CLYBL: variants seen among roughly 807,000 people sequenced by gnomAD.
CLYBL encodes the protein citramalyl-CoA lyase, mitochondrial.
In CLYBL, 31 loss-of-function variants were observed where a neutral mutation model predicts 38.9. The observed-to-expected ratio is 0.80, with a 90% CI of 0.60 to 1.08. The LOEUF is 1.08. Among genes scored for constraint, CLYBL ranks in the 50% least tolerant of loss-of-function variants. The pLI is 0.00. For synonymous variants in CLYBL, 171 were observed against 158.6 expected (o/e 1.08, Z -0.59); for missense variants, 434 against 411.6 (o/e 1.05, Z -0.47).
At chr13:99,861,467 A>T (rs1268855640) in intron 3 of CLYBL, among the ~76,000 whole-genome samples, 1 of 152,190 alleles carries the variant, frequency 6.6e-6, no homozygotes, top group Non-Finnish European at 1.5e-5. Context: ...CTACATTTTT[A>T]ACACCAAAAC....
intron 1 of CLYBL, among the ~76,000 whole-genome samples, chr13:99,746,360 T>A (rs950136854): frequency 1.8e-4 from 26 of 146,816 alleles, no homozygotes; most frequent in Middle Eastern, 3.6e-3. Context: ...ATACTATTTT[T>A]TTTTTTTTTT....
chr13:99,717,255 G>A lies in CLYBL; in HGVS notation c.63-55569G>A, dbSNP rs111406329. ...AGCCTGGACAACATGGTGAAACCCC[G>A]TCTCTACTAAAAATTCAAAAATTAG... On this transcript the variant is annotated intron_variant, in intron 1 of 8. Coordinates refer to ENST00000339105, the MANE Select transcript of CLYBL (RefSeq NM_206808.5). Among the ~76,000 whole-genome samples the A allele has an allele frequency of 6.0e-3, 904 of 150,962 alleles. 6 individuals are homozygous for A. The highest frequency in any genetic ancestry group is 0.021 in the African/African-American group (857 of 41,316).
chr13:99,857,667 T>C (rs1224912569), intron 2 of CLYBL, among the ~76,000 whole-genome samples: 2 of 152,204 alleles, frequency 1.3e-5, no homozygotes, highest in African/African-American at 4.8e-5. Context: ...TAGACCCACA[T>C]CTGTCTGGTT....
intron 7 of CLYBL, among the ~76,000 whole-genome samples, chr13:99,872,944 T>G: frequency 1.6e-5 from 1 of 62,286 alleles, no homozygotes; most frequent in South Asian, 4.0e-4. Flanking sequence ...AATTCTGGAC[T>G]TTTTTTTTTT....
At chr13:99,861,364 A>G (rs1027350529) in intron 3 of CLYBL, among the ~76,000 whole-genome samples, 1 of 152,162 alleles carries the variant, frequency 6.6e-6, no homozygotes, top group African/African-American at 2.4e-5. Context: ...CTTGGTTTTA[A>G]AGTCCATGAT....
At chr13:99,671,615 A>G (rs2047565590) in intron 1 of CLYBL, among the ~76,000 whole-genome samples, 1 of 151,974 alleles carries the variant, frequency 6.6e-6, no homozygotes, top group Non-Finnish European at 1.5e-5. Context: ...CCTCACCTCT[A>G]CTAAAAATAC....
intron 2 of CLYBL, among the ~76,000 whole-genome samples, chr13:99,856,477 T>C (rs1344919380): frequency 6.6e-6 from 1 of 152,224 alleles, no homozygotes; most frequent in Non-Finnish European, 1.5e-5. Context: ...CTGACTTAGC[T>C]ATTAAAAGGG....
chr13:99,870,631 A>G (rs1257178973), intron 6 of CLYBL, among the ~76,000 whole-genome samples: 2 of 152,200 alleles, frequency 1.3e-5, no homozygotes, highest in African/African-American at 4.8e-5. Flanking sequence ...CAAAGCAGTT[A>G]TTCAACAAGC....
At chr13:99,693,252 C>A (rs1180895901) in intron 1 of CLYBL, among the ~76,000 whole-genome samples, 1 of 152,094 alleles carries the variant, frequency 6.6e-6, no homozygotes, top group Non-Finnish European at 1.5e-5. Context: ...CAGGGATTAT[C>A]CTTCTTCATC....
At chr13:99,748,187 G>A (rs575823622) in intron 1 of CLYBL, among the ~76,000 whole-genome samples, 16 of 151,992 alleles carry the variant, frequency 1.1e-4, no homozygotes, top group East Asian at 3.9e-4. Flanking sequence ...CGAGACCAGC[G>A]TGGCCAACAT....
chr13:99,841,581 G>A (rs1246110812), intron 2 of CLYBL, among the ~76,000 whole-genome samples: 1 of 151,858 alleles, frequency 6.6e-6, no homozygotes, highest in Admixed American at 6.6e-5. Flanking sequence ...TATATTTTTA[G>A]TAGAGATGGG....
chr13:99,895,784 C>T (rs1202744550), downstream of CLYBL: 10 of 152,256 alleles, frequency 6.6e-5, no homozygotes, highest in African/African-American at 1.4e-4. Context: ...CGTTAGCGCC[C>T]GGGCGGCGGC....
rs775351826 is a variant in CLYBL at position 99,772,798 on chromosome 13, A to T, written c.63-26A>T. 3.2e-6 allele frequency: 5 copies of T among 1,554,858 alleles called. No homozygotes were observed. The South Asian group carries it at 6.0e-5, about 19-fold the overall frequency. The stretch of plus-strand genomic sequence containing the variant: ...TATAAATACAGAAATCTCATTCTGG[A>T]CTAACCCCAATCACGTGTCTTGCAG... On this transcript the variant is annotated intron_variant, in intron 1 of 8. Coordinates refer to ENST00000339105, the MANE Select transcript of CLYBL (RefSeq NM_206808.5).
At chr13:99,638,308 T>C (rs890768775) in intron 1 of CLYBL, among the ~76,000 whole-genome samples, 1 of 152,196 alleles carries the variant, frequency 6.6e-6, no homozygotes, top group Non-Finnish European at 1.5e-5. Flanking sequence ...CTTTCTGTGG[T>C]TGACAAGTAA....
rs115153091 is a variant in CLYBL, at chr13:99,647,941, C to G, written c.62+41184C>G. Among the ~76,000 whole-genome samples, 584 of 152,118 alleles carry G rather than the reference C, an allele frequency of 3.8e-3. 6 individuals are homozygous for G. The highest frequency in any genetic ancestry group is 0.013 in the African/African-American group (555 of 41,490). ...AAAACTTCAGTGGCTAATATTTAAA[C>G]AAGATATTCTCTGTTCAGAGGAAAC... On this transcript the variant is annotated intron_variant, in intron 1 of 8. Transcript: ENST00000339105.
intron 2 of CLYBL, among the ~76,000 whole-genome samples, chr13:99,818,947 A>G (rs1278999164): frequency 2.0e-5 from 3 of 152,210 alleles, no homozygotes; most frequent in Non-Finnish European, 4.4e-5. Flanking sequence ...TGTTGCTGTT[A>G]TATCCTGCTT....
At chr13:99,688,800 AC>A (rs2047856816) in intron 1 of CLYBL, among the ~76,000 whole-genome samples, 2 of 152,172 alleles carry the variant, frequency 1.3e-5, no homozygotes, top group African/African-American at 2.4e-5. Context: ...CCAAAAGGCA[AC>A]TTCTTCCTTA....
intron 1 of CLYBL, among the ~76,000 whole-genome samples, chr13:99,769,966 G>A (rs2049347351): frequency 6.6e-6 from 1 of 151,908 alleles, no homozygotes; most frequent in South Asian, 2.1e-4. Context: ...GATGTCCAGG[G>A]TTTTCATGAA....
At chr13:99,880,540 A>G (rs1222436165) in intron 7 of CLYBL, among the ~76,000 whole-genome samples, 1 of 152,208 alleles carries the variant, frequency 6.6e-6, no homozygotes, top group African/African-American at 2.4e-5. Context: ...CAAAGTCCAC[A>G]TCCCTAACCT....
Sources: allele counts gnomAD v4.1 joint callset (sites outside exome capture counted in the v4.1 genomes callset), GRCh38; gene constraint gnomAD v4.1.1; transcripts MANE v1.5; gene names NCBI Gene and HGNC (gene_info 2026-07-23, HGNC 2026-07-21).